Variants in ERBB4 observed in about 807,000 individuals in gnomAD.
ERBB4 encodes the protein erb-b2 receptor tyrosine kinase 4, also known as receptor tyrosine-protein kinase erbB-4.
A neutral mutation model predicts 158.0 loss-of-function variants in ERBB4; 42 were observed. The observed-to-expected ratio is 0.27, with a 90% CI of 0.21 to 0.34. The LOEUF (loss-of-function observed/expected upper bound fraction) is 0.34. ERBB4 is among the 10% of genes least tolerant of loss of function. ERBB4 has a pLI of 1.00. For missense variants in ERBB4, 1,333 were observed against 1,624.1 expected (o/e 0.82, Z 3.08); for synonymous variants, 583 against 558.7 (o/e 1.04, Z -0.61).
chr2:211,504,485 A>C (rs2065696348), intron 20 of ERBB4, among the ~76,000 whole-genome samples: 1 of 152,084 alleles, frequency 6.6e-6, no homozygotes, highest in Admixed American at 6.5e-5. Flanking sequence ...AGTAAATTCA[A>C]AACTAAGATG....
intron 1 of ERBB4, among the ~76,000 whole-genome samples, chr2:212,405,704 G>A (rs528456299): frequency 7.9e-5 from 12 of 152,142 alleles, no homozygotes; most frequent in African/African-American, 2.6e-4. Flanking sequence ...TCAAAGTTAC[G>A]AACATACTTC....
chr2:211,412,013 C>G lies in ERBB4; in HGVS notation c.3135+8428G>C, dbSNP rs1046999361. ...GATTAGAGTAATATTATAGTAACTT[C>G]TGTGAAGTGATGAGGGCCTGAAATA... On this transcript the variant is annotated intron_variant, in intron 25 of 27. Coordinates refer to ENST00000342788, the MANE Select transcript of ERBB4 (RefSeq NM_005235.3). Among the ~76,000 whole-genome samples, 10 of 151,782 alleles carry G rather than the reference C, an allele frequency of 6.6e-5. No individual in the cohort carries two copies. The East Asian group carries it at 1.9e-3, about 29-fold the overall frequency.
intron 12 of ERBB4, among the ~76,000 whole-genome samples, chr2:211,695,538 AAG>A (rs1419382637): frequency 6.6e-6 from 1 of 152,180 alleles, no homozygotes; most frequent in Non-Finnish European, 1.5e-5. Context: ...GAAGAGAAAA[AAG>A]AAAAATAAAT....
At chr2:211,420,716 T>G in intron 24 of ERBB4, 105 bp from the exon 25 acceptor site, 3 of 1,002,478 alleles carry the variant, frequency 3.0e-6, no homozygotes, top group Non-Finnish European at 4.6e-6. Context: ...GGTTGAAAAA[T>G]TCATACACAC....
intron 1 of ERBB4, among the ~76,000 whole-genome samples, chr2:212,498,947 A>C (rs75672568): frequency 1.7e-3 from 259 of 152,174 alleles, no homozygotes; most frequent in African/African-American, 5.3e-3. Flanking sequence ...GGACAAGTGG[A>C]TCTGAGTAAG....
At chr2:212,464,920 A>T (rs1688754471) in intron 1 of ERBB4, among the ~76,000 whole-genome samples, 1 of 151,328 alleles carries the variant, frequency 6.6e-6, no homozygotes, top group Admixed American at 6.6e-5. Flanking sequence ...ACACACACAC[A>T]CACACACCCC....
chr2:212,191,279 G>C (rs1195193513), intron 1 of ERBB4, among the ~76,000 whole-genome samples: 1 of 152,020 alleles, frequency 6.6e-6, no homozygotes, highest in African/African-American at 2.4e-5. Flanking sequence ...AGATGATGCT[G>C]ATGCTATTGG....
At chr2:211,793,840 G>A (rs978861403) in intron 3 of ERBB4, among the ~76,000 whole-genome samples, 2 of 151,822 alleles carry the variant, frequency 1.3e-5, no homozygotes, top group African/African-American at 4.8e-5. Context: ...AATGAGAACC[G>A]GGTGCTTGAG....
At chr2:211,408,273 G>A (rs904709480) in intron 25 of ERBB4, among the ~76,000 whole-genome samples, 2 of 152,158 alleles carry the variant, frequency 1.3e-5, no homozygotes, top group Non-Finnish European at 2.9e-5. Context: ...TTACAGCAGA[G>A]CTGCGAATCT....
chr2:211,640,569 C>T lies in ERBB4; in HGVS notation c.1947-9975G>A, dbSNP rs2070541239. On this transcript the variant is annotated intron_variant, in intron 16 of 27. Transcript: ENST00000342788. ...GTAGGTTATACAACTTGTCCAAGGT[C>T]CGAAGCATTCTAACTGGATAGTCAA... is the stretch of plus-strand genomic sequence containing the variant. Among the ~76,000 whole-genome samples the T allele has an allele frequency of 3.3e-5, 5 of 152,104 alleles. No individual in the cohort carries two copies. In the South Asian group the frequency reaches 1.0e-3, roughly 31 times the overall value.
chr2:211,633,482 A>ATTTTT (rs3068983), intron 16 of ERBB4, among the ~76,000 whole-genome samples: 177 of 127,204 alleles, frequency 1.4e-3, no homozygotes, highest in African/African-American at 4.8e-3. Context: ...GTATTTTCTA[A>ATTTTT]TTTTTTTTTT....
intron 1 of ERBB4, among the ~76,000 whole-genome samples, chr2:212,232,491 C>T (rs779482053): frequency 1.3e-5 from 2 of 152,146 alleles, no homozygotes; most frequent in African/African-American, 2.4e-5. Flanking sequence ...TCACCACAAC[C>T]TCTGTCTCCT....
At chr2:212,521,099 G>C (rs1162986464) in intron 1 of ERBB4, among the ~76,000 whole-genome samples, 2 of 151,874 alleles carry the variant, frequency 1.3e-5, no homozygotes, top group Non-Finnish European at 2.9e-5. Context: ...CATTGTTTTA[G>C]TTGTGTCCTA....
chr2:212,198,515 G>A (rs943872887), intron 1 of ERBB4, among the ~76,000 whole-genome samples: 18 of 151,942 alleles, frequency 1.2e-4, no homozygotes, highest in African/African-American at 3.4e-4. Flanking sequence ...ATGGTCAATC[G>A]TATTGTAGTA....
At chr2:212,260,003 A>T (rs2084876938) in intron 1 of ERBB4, among the ~76,000 whole-genome samples, 1 of 151,638 alleles carries the variant, frequency 6.6e-6, no homozygotes, top group Admixed American at 6.6e-5. Flanking sequence ...CGGGAGGCAG[A>T]GGTTGCAGTG....
intron 20 of ERBB4, among the ~76,000 whole-genome samples, chr2:211,459,841 A>G (rs1040833560): frequency 4.6e-5 from 7 of 152,166 alleles, no homozygotes; most frequent in African/African-American, 1.7e-4. Flanking sequence ...CTCGTTGTTT[A>G]TATCTATAAA....
At chr2:211,784,093 T>C (rs2076100068) in intron 4 of ERBB4, among the ~76,000 whole-genome samples, 1 of 152,206 alleles carries the variant, frequency 6.6e-6, no homozygotes, top group South Asian at 2.1e-4. Flanking sequence ...GATTTATTCA[T>C]AATTACAGTT....
chr2:212,040,555 A>G (rs1343639568), intron 2 of ERBB4, among the ~76,000 whole-genome samples: 1 of 152,082 alleles, frequency 6.6e-6, no homozygotes, highest in South Asian at 2.1e-4. Context: ...TTTTTTGTTA[A>G]TTTAAAAACA....
intron 16 of ERBB4, among the ~76,000 whole-genome samples, chr2:211,641,378 T>C (rs1306591767): frequency 2.0e-5 from 3 of 152,116 alleles, no homozygotes; most frequent in Non-Finnish European, 4.4e-5. Flanking sequence ...ATCTTTTTAC[T>C]GACCTTTTGA....
Sources: allele counts gnomAD v4.1 joint callset (sites outside exome capture counted in the v4.1 genomes callset), GRCh38; gene constraint gnomAD v4.1.1; transcripts MANE v1.5; gene names NCBI Gene and HGNC (gene_info 2026-07-23, HGNC 2026-07-21).